The following PEPD variants were observed in gnomAD, a reference collection of about 807,000 sequenced individuals.
The protein encoded by PEPD is peptidase D.
In PEPD, 53 loss-of-function variants were observed where a neutral mutation model predicts 60.7. That is an observed-to-expected ratio of 0.87 (90% CI 0.70 to 1.10). PEPD has a LOEUF of 1.10. Ranked by LOEUF, PEPD falls within the 50% of genes least tolerant of loss-of-function variation. The pLI is 0.00. For synonymous variants in PEPD, 267 were observed against 284.1 expected, an observed-to-expected ratio of 0.94 and a Z score of 0.60; for missense variants, 711 against 711.9, an observed-to-expected ratio of 1.00 and a Z score of 0.01.
intron 9 of PEPD, among the ~76,000 whole-genome samples, chr19:33,448,404 G>A (rs749267944): frequency 1.3e-5 from 2 of 152,156 alleles, no homozygotes; most frequent in Admixed American, 6.5e-5. Flanking sequence ...CATCTACCAC[G>A]GGCTCCTTCC....
At chr19:33,436,353 G>C (rs1040512041) in intron 9 of PEPD, among the ~76,000 whole-genome samples, 3 of 152,162 alleles carry the variant, frequency 2.0e-5, no homozygotes, top group Non-Finnish European at 4.4e-5. Flanking sequence ...CCCATGCCCT[G>C]CCTAAGAGGC....
intron 9 of PEPD, among the ~76,000 whole-genome samples, chr19:33,439,887 G>T (rs1014627764): frequency 2.0e-5 from 3 of 152,184 alleles, no homozygotes; most frequent in Non-Finnish European, 2.9e-5. Flanking sequence ...TCCAAGAAAG[G>T]TTCTTGTTTT....
chr19:33,445,968 G>GCCTGCC (rs1969586711), intron 9 of PEPD, among the ~76,000 whole-genome samples: 1 of 152,176 alleles, frequency 6.6e-6, no homozygotes, highest in Non-Finnish European at 1.5e-5. Flanking sequence ...CCTCTAGCCT[G>GCCTGCC]CCTGCCCCTG....
chr19:33,390,540 G>A lies in PEPD; in HGVS notation c.1152+755C>T, dbSNP rs573863764. Among the ~76,000 whole-genome samples, 17 of 152,354 alleles carry A rather than the reference G, an allele frequency of 1.1e-4. No individual in the cohort carries two copies. The East Asian group carries it at 2.7e-3, about 24-fold the overall frequency. ...TTGGCTAACTGGCTGGGGGGCCCCA[G>A]GGCGTGCACGATTGCACAATCAGCC... On this transcript the variant is annotated intron_variant, in intron 13 of 14. Coordinates refer to ENST00000244137, the MANE Select transcript of PEPD (RefSeq NM_000285.4).
In PEPD at chr19:33,401,906, G is replaced by C. The variant is rs376698214; in HGVS notation, c.819-37C>G. ...GGAAGGCAGGGCAAGTGGGTACTGG[G>C]GTGCCACCGCCCCCTTACCCTTACC... On this transcript the variant is annotated intron_variant, in intron 11 of 14. Transcript: ENST00000244137. 4.4e-6 allele frequency: 7 copies of C among 1,607,358 alleles called. No individual in the cohort carries two copies. The African/African-American group carries it at 6.7e-5, about 15-fold the overall frequency.
chr19:33,437,335 A>G (rs1969396221), intron 9 of PEPD, among the ~76,000 whole-genome samples: 1 of 152,060 alleles, frequency 6.6e-6, no homozygotes, highest in South Asian at 2.1e-4. Context: ...AAGTTCAACT[A>G]CTTTTATTTG....
intron 9 of PEPD, among the ~76,000 whole-genome samples, chr19:33,424,564 G>C (rs958542702): frequency 6.6e-6 from 1 of 152,200 alleles, no homozygotes; most frequent in African/African-American, 2.4e-5. Context: ...GGACCAGAAG[G>C]CCAGTGTGGT....
chr19:33,489,662 TG>T lies in PEPD; in HGVS notation c.503+333del. On this transcript the variant is annotated intron_variant, in intron 6 of 14. Coordinates refer to ENST00000244137, the MANE Select transcript of PEPD (RefSeq NM_000285.4). Reference sequence around the variant, plus strand: ...TAAAAAAATAAAAGAAAGGGGGTGGTGGCTTGATGCACAGACCACAGGGGCT... The same window carrying T: ...TAAAAAAATAAAAGAAAGGGGGTGGTGCTTGATGCACAGACCACAGGGGCT... Among the ~76,000 whole-genome samples the T allele has an allele frequency of 1.3e-5, 2 of 151,658 alleles. 1 individual carries two copies. Among genetic ancestry groups the T allele is most frequent in the South Asian group, 4.2e-4 (2 of 4,772 alleles).
intron 9 of PEPD, among the ~76,000 whole-genome samples, chr19:33,446,222 G>A (rs977967523): frequency 6.6e-6 from 1 of 152,112 alleles, no homozygotes; most frequent in African/African-American, 2.4e-5. Context: ...CACGGCAGCC[G>A]CCAGACACTT....
intron 9 of PEPD, among the ~76,000 whole-genome samples, chr19:33,449,963 C>A (rs545050094): frequency 3.7e-4 from 56 of 152,314 alleles, no homozygotes; most frequent in African/African-American, 1.3e-3. Flanking sequence ...GGAAGCAGAG[C>A]ATGTGATGCC....
At chr19:33,413,543 C>A (rs146629261) in intron 10 of PEPD, 32 bp downstream of exon 10, 15,219 of 1,358,494 alleles carry the variant, frequency 0.011, 157 homozygotes, top group South Asian at 0.031. Context: ...TCCCACTGGT[C>A]ACCCCCAGGG....
chr19:33,441,341 C>T (rs1969476436), intron 9 of PEPD, among the ~76,000 whole-genome samples: 1 of 152,216 alleles, frequency 6.6e-6, no homozygotes. Context: ...ACACGTGCCC[C>T]TTATCAGCCA....
intron 9 of PEPD, among the ~76,000 whole-genome samples, chr19:33,431,307 A>T (rs191855776): frequency 6.6e-6 from 1 of 152,096 alleles, no homozygotes; most frequent in African/African-American, 2.4e-5. Flanking sequence ...TTCCTCCCTG[A>T]CTCTATCAGG....
chr19:33,437,889 G>A (rs1969409222), intron 9 of PEPD, among the ~76,000 whole-genome samples: 1 of 152,184 alleles, frequency 6.6e-6, no homozygotes. Context: ...GGAAGAGGCA[G>A]GGTCCAAACT....
rs1395928832 is a variant in PEPD, at chr19:33,462,996, T to C, written c.670A>G (p.Ser224Gly). Residue 224 changes from serine (S) to glycine (G), a missense_variant and splice_region_variant, in exon 9 of 15, where the codon AGC (serine) becomes GGC (glycine). Physicochemically the swap from Ser to Gly is moderately conservative, Grantham distance 56. Coordinates refer to ENST00000244137, the MANE Select transcript of PEPD (RefSeq NM_000285.4). ...KVGMKEYELESLFEHYCYSRG... is the reference protein window; with the variant it reads ...KVGMKEYELEGLFEHYCYSRG... ...ACCCGGAGAAACATGGTGGCTTACC[T>C]TTCCAACTCATATTCTTTCATTCCC... 1.3e-6 allele frequency: 2 copies of C among 1,589,720 alleles called. No individual in the cohort carries two copies. The highest frequency in any genetic ancestry group is 4.5e-5 in the East Asian group (2 of 44,800).
chr19:33,418,371 C>A (rs988060114), intron 9 of PEPD, among the ~76,000 whole-genome samples: 2 of 152,214 alleles, frequency 1.3e-5, no homozygotes, highest in Admixed American at 6.5e-5. Flanking sequence ...CCGAGCAGAG[C>A]GTGCCTTATG....
Position 33,387,296 on chromosome 19 carries a change from G to C in PEPD, c.*48C>G, listed in dbSNP as rs1001716278. 8 of 1,610,494 alleles carry C rather than the reference G, an allele frequency of 5.0e-6. No homozygotes were observed. Among genetic ancestry groups the C allele is most frequent in the Non-Finnish European group, 6.8e-6 (8 of 1,178,414 alleles). On this transcript the variant is annotated 3_prime_UTR_variant, in exon 15 of 15. Coordinates refer to ENST00000244137, the MANE Select transcript of PEPD (RefSeq NM_000285.4). ...ACCAGCAGGCTGCCCATCACGAAAAGAGGTTGCAAGGCCAGGCCCCCAGGT... is the reference window on the plus strand; with the variant it reads ...ACCAGCAGGCTGCCCATCACGAAAACAGGTTGCAAGGCCAGGCCCCCAGGT...
intron 10 of PEPD, 84 bp from the exon 11 acceptor site, chr19:33,411,833 C>A: frequency 1.2e-6 from 1 of 820,382 alleles, no homozygotes; most frequent in Non-Finnish European, 2.1e-6. Flanking sequence ...GATCCCCTGC[C>A]CATGAGCAGC....
intron 9 of PEPD, among the ~76,000 whole-genome samples, chr19:33,442,957 C>T (rs1189623067): frequency 6.6e-6 from 1 of 152,138 alleles, no homozygotes; most frequent in Admixed American, 6.5e-5. Flanking sequence ...CCACCGCTGC[C>T]TCCCCAGGGC....
Sources: gnomAD v4.1 joint callset for allele counts (sites outside exome capture counted in the v4.1 genomes callset) on GRCh38, gnomAD v4.1.1 for gene constraint, MANE v1.5 for transcripts, NCBI Gene and HGNC (gene_info 2026-07-23, HGNC 2026-07-21) for gene names.